CATSPERD: variants seen among roughly 807,000 people sequenced by gnomAD.
CATSPERD encodes cation channel sperm-associated auxiliary subunit delta.
Under a neutral mutation model 98.1 loss-of-function variants are expected in CATSPERD, and 86 were observed. The ratio of observed to expected loss-of-function variants is 0.88; its 90% CI spans 0.74 to 1.05. The LOEUF is 1.05. Ranked by LOEUF, CATSPERD falls within the 50% of genes least tolerant of loss-of-function variation. The probability of loss-of-function intolerance (pLI) is 0.00; values close to 1 mark genes in which losing one functional copy is unlikely to be tolerated. For missense variants in CATSPERD, 995 were observed against 1,005.7 expected, an observed-to-expected ratio of 0.99 and a Z score of 0.14; for synonymous variants, 394 against 390.2, an observed-to-expected ratio of 1.01 and a Z score of -0.12.
chr19:5,764,519 G>A (rs1046355389), intron 16 of CATSPERD, among the ~76,000 whole-genome samples: 14 of 150,188 alleles, frequency 9.3e-5, no homozygotes, highest in African/African-American at 2.5e-4. Context: ...GGGTTTCACC[G>A]TGTTAGCCAG....
chr19:5,753,953 C>T (rs2056274112), intron 12 of CATSPERD, among the ~76,000 whole-genome samples, 179 bp from the exon 13 acceptor site: 2 of 152,136 alleles, frequency 1.3e-5, no homozygotes, highest in African/African-American at 4.8e-5. Flanking sequence ...GAGGGAGGGG[C>T]TGGCATTGTG....
intron 13 of CATSPERD, among the ~76,000 whole-genome samples, chr19:5,757,448 C>T (rs1390583077): frequency 6.6e-6 from 1 of 151,402 alleles, no homozygotes; most frequent in Non-Finnish European, 1.5e-5. Context: ...CAGGCATGCA[C>T]CACCATGCCT....
At chr19:5,773,042 C>T (rs764381112) in intron 20 of CATSPERD, 77 bp downstream of exon 20, 110 of 1,427,360 alleles carry the variant, frequency 7.7e-5, no homozygotes, top group Non-Finnish European at 9.7e-5. Context: ...GGACACCGTG[C>T]GGCCATGGAA....
chr19:5,754,278 A>T, intron 13 of CATSPERD, 33 bp downstream of exon 13: 1 of 1,498,142 alleles, frequency 6.7e-7, no homozygotes, highest in Non-Finnish European at 9.3e-7. Flanking sequence ...GCTATCTGGG[A>T]TTCTCAGCCA....
At chr19:5,749,323 C>G (rs2056159302) in intron 11 of CATSPERD, 140 bp downstream of exon 11, 2 of 459,798 alleles carry the variant, frequency 4.3e-6, no homozygotes, top group Non-Finnish European at 7.6e-6. Flanking sequence ...GAAACCCTGT[C>G]TCTACTAAAA....
At chr19:5,733,238 C>T (rs1429263905) in intron 4 of CATSPERD, among the ~76,000 whole-genome samples, 1 of 152,056 alleles carries the variant, frequency 6.6e-6, no homozygotes, top group East Asian at 1.9e-4. Context: ...AGGTGATTCA[C>T]CTGCCTTGGC....
intron 11 of CATSPERD, 46 bp downstream of exon 11, chr19:5,749,229 C>A (rs374004749): frequency 4.3e-6 from 6 of 1,409,468 alleles, no homozygotes; most frequent in Non-Finnish European, 5.0e-6. Context: ...CGGTGGTTCA[C>A]GCCTGTCATC....
chr19:5,756,921 T>C (rs1301257729), intron 13 of CATSPERD, among the ~76,000 whole-genome samples: 1 of 150,586 alleles, frequency 6.6e-6, no homozygotes, highest in Non-Finnish European at 1.5e-5. Flanking sequence ...GCAGCCTGGG[T>C]GACAGAGCAA....
intron 2 of CATSPERD, 86 bp from the exon 3 acceptor site, chr19:5,727,182 G>A (rs1383533911): frequency 1.5e-5 from 15 of 1,016,524 alleles, no homozygotes; most frequent in Admixed American, 9.4e-5. Flanking sequence ...GCAACAGAGC[G>A]AGACTCTTGT....
chr19:5,721,997 AAAAG>A (rs1379211064), intron 1 of CATSPERD, among the ~76,000 whole-genome samples: 1 of 151,478 alleles, frequency 6.6e-6, no homozygotes, highest in African/African-American at 2.4e-5. Context: ...AAAAAAAAAA[AAAAG>A]AGATGGGGTC....
intron 2 of CATSPERD, among the ~76,000 whole-genome samples, chr19:5,725,586 A>G (rs2145675744): frequency 6.6e-6 from 1 of 152,276 alleles, no homozygotes; most frequent in South Asian, 2.1e-4. Flanking sequence ...TGTCAGTTCA[A>G]ATTCGTTTCC....
At chr19:5,730,124 C>T (rs992528473) in intron 4 of CATSPERD, among the ~76,000 whole-genome samples, 180 bp downstream of exon 4, 6 of 152,006 alleles carry the variant, frequency 3.9e-5, no homozygotes, top group African/African-American at 1.2e-4. Flanking sequence ...TTATTCTGCC[C>T]CTACTACCAA....
At chr19:5,775,632 G>C (rs1415163722) in intron 20 of CATSPERD, among the ~76,000 whole-genome samples, 4 of 123,514 alleles carry the variant, frequency 3.2e-5, no homozygotes, top group African/African-American at 6.3e-5. Flanking sequence ...CTGGGCAACA[G>C]AGTGAAACCC....
At chr19:5,733,086 T>A (rs1331834183) in intron 4 of CATSPERD, among the ~76,000 whole-genome samples, 1 of 151,628 alleles carries the variant, frequency 6.6e-6, no homozygotes, top group African/African-American at 2.4e-5. Context: ...CTCCACCTCC[T>A]GGGTTCAAGC....
chr19:5,755,869 A>C lies in CATSPERD; in HGVS notation c.1278+1624A>C, dbSNP rs375689616. On this transcript the variant is annotated intron_variant, in intron 13 of 21. Transcript: ENST00000381624. ...CCTGTAGTCCCAGCTACTTGGGGCT[A>C]AGGCAGGAGGCTGAGGCAGGAGGAT... is the stretch of plus-strand genomic sequence containing the variant. Among the ~76,000 whole-genome samples, 29 of 152,002 alleles carry C rather than the reference A, an allele frequency of 1.9e-4. No individual in the cohort carries two copies. In the South Asian group the frequency reaches 3.1e-3, roughly 16 times the overall value.
chr19:5,741,507 C>A (rs2055962857), intron 7 of CATSPERD, among the ~76,000 whole-genome samples: 1 of 152,000 alleles, frequency 6.6e-6, no homozygotes, highest in Admixed American at 6.6e-5. Context: ...GCAGAAGAAC[C>A]AACGAACAGT....
intron 2 of CATSPERD, 53 bp from the exon 3 acceptor site, chr19:5,727,215 A>C: frequency 4.5e-4 from 545 of 1,202,140 alleles, no homozygotes; most frequent in Non-Finnish European, 6.2e-4. Flanking sequence ...AATTATTTCT[A>C]TCAGCTGTTT....
chr19:5,727,447 G>A, intron 3 of CATSPERD, 103 bp downstream of exon 3: 3 of 866,322 alleles, frequency 3.5e-6, no homozygotes, highest in South Asian at 2.8e-5. Context: ...GCTCTGCCGT[G>A]TGTTGCTAGT....
chr19:5,759,200 C>G, intron 15 of CATSPERD, 56 bp downstream of exon 15: 1 of 1,519,770 alleles, frequency 6.6e-7, no homozygotes, highest in South Asian at 1.1e-5. Flanking sequence ...GTTTCCTTAG[C>G]AGGAGCGAAG....
Sources: allele counts gnomAD v4.1 joint callset (sites outside exome capture counted in the v4.1 genomes callset), GRCh38; gene constraint gnomAD v4.1.1; transcripts MANE v1.5; gene names NCBI Gene and HGNC (gene_info 2026-07-23, HGNC 2026-07-21).